CSMD1: variants seen among roughly 807,000 people sequenced by gnomAD.
CSMD1 encodes the protein CUB and sushi domain-containing protein 1.
Under a neutral mutation model 417.5 loss-of-function variants are expected in CSMD1, and 213 were observed. The ratio of observed to expected loss-of-function variants is 0.51; its 90% CI spans 0.46 to 0.57. The LOEUF is 0.57. Among genes scored for constraint, CSMD1 ranks in the 20% least tolerant of loss-of-function variants. The pLI is 0.00. For synonymous variants in CSMD1, 2,862 were observed against 1,736.8 expected, an observed-to-expected ratio of 1.65 and a Z score of -16.11; for missense variants, 6,923 against 4,529.7, an observed-to-expected ratio of 1.53 and a Z score of -15.17.
chr8:4,191,610 G>A (rs985990391), intron 3 of CSMD1, among the ~76,000 whole-genome samples: 1 of 151,972 alleles, frequency 6.6e-6, no homozygotes, highest in East Asian at 1.9e-4. Context: ...AGCTTTCTAT[G>A]TTGAAAGAAA....
intron 40 of CSMD1, among the ~76,000 whole-genome samples, chr8:3,149,201 A>G (rs929414193): frequency 1.3e-5 from 2 of 152,214 alleles, no homozygotes; most frequent in African/African-American, 2.4e-5. Flanking sequence ...GTTTATAAAT[A>G]AAAAATAAAT....
chr8:4,479,681 G>T (rs1800984126), intron 2 of CSMD1, among the ~76,000 whole-genome samples: 1 of 152,068 alleles, frequency 6.6e-6, no homozygotes, highest in East Asian at 1.9e-4. Context: ...AGACCACGAG[G>T]TCAGGAGAGA....
At chr8:4,603,977 G>A (rs1186409359) in intron 2 of CSMD1, among the ~76,000 whole-genome samples, 1 of 151,986 alleles carries the variant, frequency 6.6e-6, no homozygotes, top group South Asian at 2.1e-4. Flanking sequence ...ATTACAAATT[G>A]ACATGTTATA....
intron 3 of CSMD1, among the ~76,000 whole-genome samples, chr8:4,340,806 G>A (rs1303526856): frequency 2.0e-5 from 3 of 152,036 alleles, no homozygotes; most frequent in Non-Finnish European, 4.4e-5. Flanking sequence ...AGTTAACTAT[G>A]CTGCTTACCC....
intron 12 of CSMD1, among the ~76,000 whole-genome samples, chr8:3,411,714 A>G (rs1407693298): frequency 3.6e-5 from 5 of 138,038 alleles, no homozygotes; most frequent in African/African-American, 8.1e-5. Flanking sequence ...ATACACGTAT[A>G]TATACACGTA....
chr8:3,279,720 A>T (rs907532400), intron 26 of CSMD1, among the ~76,000 whole-genome samples: 15 of 152,128 alleles, frequency 9.9e-5, no homozygotes, highest in African/African-American at 3.6e-4. Context: ...ACAATCATGG[A>T]GGAAGGTGAA....
At chr8:4,199,688 A>G (rs1799540633) in intron 3 of CSMD1, among the ~76,000 whole-genome samples, 1 of 152,152 alleles carries the variant, frequency 6.6e-6, no homozygotes, top group Non-Finnish European at 1.5e-5. Context: ...GGCAGTCCAG[A>G]TTTAATATTG....
rs536035950 is a variant in CSMD1, at chr8:2,977,384, G to C, written c.8566+1228C>G. On this transcript the variant is annotated intron_variant, in intron 55 of 69. Transcript: ENST00000635120. ...TTCTGTTCCTGCATTAGTTTGCAGAGGATAATGGCTTCCAAGCTCCATCCA... is the reference window on the plus strand; with the variant it reads ...TTCTGTTCCTGCATTAGTTTGCAGACGATAATGGCTTCCAAGCTCCATCCA... Among the ~76,000 whole-genome samples the C allele has an allele frequency of 4.7e-4, 71 of 152,326 alleles. 1 individual carries two copies. Among genetic ancestry groups the C allele is most frequent in the Non-Finnish European group, 8.1e-4 (55 of 68,036 alleles).
intron 1 of CSMD1, among the ~76,000 whole-genome samples, chr8:4,976,002 C>A (rs1810541379): frequency 6.6e-6 from 1 of 152,124 alleles, no homozygotes; most frequent in Admixed American, 6.5e-5. Flanking sequence ...ACACTCAACC[C>A]TTTCTGGTTT....
At chr8:3,927,019 G>C (rs1178287109) in intron 5 of CSMD1, among the ~76,000 whole-genome samples, 2 of 151,642 alleles carry the variant, frequency 1.3e-5, no homozygotes, top group African/African-American at 4.8e-5. Flanking sequence ...CGGCCAAATT[G>C]GCATCTTTAA....
rs1491416122 is a variant in CSMD1, at chr8:4,312,409, G to GTATATACC, written c.415+107543_415+107544insGGTATATA. On this transcript the variant is annotated intron_variant, in intron 3 of 69. Coordinates refer to ENST00000635120, the MANE Select transcript of CSMD1 (RefSeq NM_033225.6). ...TATATATATACATACATATATATGC[G>GTATATACC]TGTATATATATGCGCGTATATATAT... Among the ~76,000 whole-genome samples, 28 of 127,436 alleles carry GTATATACC rather than the reference G, an allele frequency of 2.2e-4. 4 individuals are homozygous for GTATATACC. The highest frequency in any genetic ancestry group is 1.0e-3 in the African/African-American group (24 of 23,358). The allele number at this position is 127,436 out of a possible 152,430, so 83.6% of individuals were successfully genotyped here.
At chr8:4,538,294 C>A (rs375645033) in intron 2 of CSMD1, among the ~76,000 whole-genome samples, 1 of 151,852 alleles carries the variant, frequency 6.6e-6, no homozygotes, top group Admixed American at 6.6e-5. Flanking sequence ...ACCACTACGA[C>A]ATTGCAAATA....
chr8:4,602,928 G>A (rs1165836531), intron 2 of CSMD1, among the ~76,000 whole-genome samples: 1 of 151,712 alleles, frequency 6.6e-6, no homozygotes, highest in Non-Finnish European at 1.5e-5. Context: ...AGATTATTAT[G>A]TATGAATGTA....
At chr8:3,928,104 C>T (rs899302044) in intron 5 of CSMD1, among the ~76,000 whole-genome samples, 1 of 152,006 alleles carries the variant, frequency 6.6e-6, no homozygotes, top group African/African-American at 2.4e-5. Context: ...GTATAAAGGA[C>T]ATACAAAGGT....
chr8:3,849,241 C>A (rs781512825), intron 5 of CSMD1, among the ~76,000 whole-genome samples: 1 of 152,014 alleles, frequency 6.6e-6, no homozygotes, highest in Non-Finnish European at 1.5e-5. Flanking sequence ...AGGAATAAAA[C>A]GAAACAAAAC....
chr8:3,787,276 C>A (rs1035311571), intron 5 of CSMD1, among the ~76,000 whole-genome samples: 1 of 151,976 alleles, frequency 6.6e-6, no homozygotes, highest in African/African-American at 2.4e-5. Context: ...TGTGAAAAAC[C>A]ATAATCAATT....
chr8:4,166,476 G>A (rs183877964), intron 3 of CSMD1, among the ~76,000 whole-genome samples: 75 of 152,270 alleles, frequency 4.9e-4, no homozygotes, highest in Non-Finnish European at 5.7e-4. Context: ...GAAGTTGGAG[G>A]CCATTACCCT....
chr8:3,617,371 A>T (rs1202297467), intron 7 of CSMD1, among the ~76,000 whole-genome samples: 2 of 152,214 alleles, frequency 1.3e-5, no homozygotes, highest in African/African-American at 4.8e-5. Context: ...CCATCACAGA[A>T]TAATTTCTAA....
At chr8:3,846,187 G>A (rs148186650) in intron 5 of CSMD1, among the ~76,000 whole-genome samples, 1 of 152,104 alleles carries the variant, frequency 6.6e-6, no homozygotes, top group Non-Finnish European at 1.5e-5. Flanking sequence ...TATGTGCTAG[G>A]CTTTTATATA....
Sources: allele counts gnomAD v4.1 joint callset (sites outside exome capture counted in the v4.1 genomes callset), GRCh38; gene constraint gnomAD v4.1.1; transcripts MANE v1.5; gene names NCBI Gene and HGNC (gene_info 2026-07-23, HGNC 2026-07-21).